The following PEAK1 variants were observed in gnomAD, a reference collection of about 807,000 sequenced individuals.
PEAK1 encodes inactive tyrosine-protein kinase PEAK1.
A neutral mutation model predicts 124.7 loss-of-function variants in PEAK1; 54 were observed. That is an observed-to-expected ratio of 0.43 (90% CI 0.35 to 0.54). The LOEUF is 0.54. Ranked by LOEUF, PEAK1 falls within the 20% of genes least tolerant of loss-of-function variation. The pLI is 0.01. For synonymous variants in PEAK1, 719 were observed against 760.0 expected, an observed-to-expected ratio of 0.95 and a Z score of 0.89; for missense variants, 2,046 against 2,134.5, an observed-to-expected ratio of 0.96 and a Z score of 0.82.
chr15:77,115,386 A>G, intron 9 of PEAK1, 67 bp from the exon 10 acceptor site: 1 of 1,420,198 alleles, frequency 7.0e-7, no homozygotes, highest in Non-Finnish European at 9.6e-7. Context: ...ATCAGGGAAG[A>G]TTAACTGGAA....
chr15:77,325,764 G>T (rs2153024986), intron 2 of PEAK1, among the ~76,000 whole-genome samples: 1 of 152,146 alleles, frequency 6.6e-6, no homozygotes, highest in East Asian at 1.9e-4. Context: ...ACTGGGATCT[G>T]AAAATCCAGC....
At chr15:77,381,391 A>C in intron 1 of PEAK1, 1 of 824,472 alleles carries the variant, frequency 1.2e-6, no homozygotes, top group Non-Finnish European at 1.5e-6. Flanking sequence ...TAGCCACTGC[A>C]CTTCAGTTTG....
In PEAK1 at chr15:77,133,322, G is replaced by C. The variant is rs1221030048; in HGVS notation, c.3760C>G (p.Leu1254Val). The change falls in exon 9 of 10, where the codon CTC becomes GTC. Residue 1254 changes from leucine (L) to valine (V), a missense_variant. Leu to Val is a conservative substitution (Grantham distance 32). Transcript: ENST00000682557. This position sits in a 1 kb window ranked among gnomAD's most constrained non-coding sequence, Gnocchi z 4.2. ...CAAGAGGGCCCACGCCGGCTGGAGA[G>C]GGATTCCATGCTGTTGGAAAATCTA... is the stretch of plus-strand genomic sequence containing the variant. ...KDRFSNSMES[L>V]SSRRGPSCRQ... 3.1e-6 allele frequency: 5 copies of C among 1,614,234 alleles called. No individual in the cohort carries two copies. The highest frequency in any genetic ancestry group is 3.4e-6 in the Non-Finnish European group (4 of 1,180,046).
intron 2 of PEAK1, chr15:77,347,280 T>C (rs2066926453): frequency 5.1e-6 from 5 of 985,028 alleles, no homozygotes; most frequent in East Asian, 1.1e-4. Context: ...GAACTATTCA[T>C]GGAAATTCAC....
chr15:77,168,450 G>A lies in PEAK1; in HGVS notation c.3138-9754C>T, dbSNP rs564392421. ...TATTTTAGGCTTTGTGGGCCGTGTG[G>A]TCTCCACTGCAATTATTCAACCCTG... On this transcript the variant is annotated intron_variant, in intron 7 of 9. Transcript: ENST00000682557. Among the ~76,000 whole-genome samples the A allele has an allele frequency of 6.6e-5, 10 of 152,298 alleles. No homozygotes were observed. The East Asian group carries it at 1.9e-3, about 29-fold the overall frequency.
chr15:77,345,341 A>T (rs1444953854), intron 2 of PEAK1, among the ~76,000 whole-genome samples: 1 of 152,192 alleles, frequency 6.6e-6, no homozygotes, highest in Non-Finnish European at 1.5e-5. Flanking sequence ...TTTGTAAGGC[A>T]TATCTCATTC....
At chr15:77,387,110 T>C (rs2070018006) in intron 1 of PEAK1, among the ~76,000 whole-genome samples, 1 of 152,170 alleles carries the variant, frequency 6.6e-6, no homozygotes, top group South Asian at 2.1e-4. Context: ...CCAACAGAAA[T>C]TATCTCCCTC....
intron 2 of PEAK1, among the ~76,000 whole-genome samples, chr15:77,331,616 T>C (rs1465818203): frequency 3.9e-5 from 6 of 152,136 alleles, no homozygotes; most frequent in African/African-American, 9.7e-5. Flanking sequence ...TATTTATTTA[T>C]TTACTTACTT....
At chr15:77,246,881 G>C (rs2060613911) in intron 6 of PEAK1, among the ~76,000 whole-genome samples, 2 of 152,102 alleles carry the variant, frequency 1.3e-5, no homozygotes, top group South Asian at 4.2e-4. Flanking sequence ...AGCTAAGCAT[G>C]GTGGTGGGTG....
intron 6 of PEAK1, among the ~76,000 whole-genome samples, chr15:77,216,738 T>A (rs2059165133): frequency 2.0e-5 from 3 of 152,158 alleles, no homozygotes; most frequent in Admixed American, 2.0e-4. Flanking sequence ...ATCTAATTAG[T>A]TCAGCTTACA....
chr15:77,190,052 GC>G (rs1474378613), intron 6 of PEAK1, among the ~76,000 whole-genome samples: 2 of 152,110 alleles, frequency 1.3e-5, no homozygotes, highest in African/African-American at 4.8e-5. Flanking sequence ...ATCAGAGTGA[GC>G]AATGTCATTT....
At chr15:77,393,394 G>A (rs2141944178) in intron 1 of PEAK1, among the ~76,000 whole-genome samples, 1 of 152,312 alleles carries the variant, frequency 6.6e-6, no homozygotes, top group Admixed American at 6.5e-5. Context: ...CTCCTTTTGA[G>A]AAGAAAGGGA....
chr15:77,381,435 A>G, intron 1 of PEAK1: 1 of 942,366 alleles, frequency 1.1e-6, no homozygotes, highest in Non-Finnish European at 1.3e-6. Context: ...CTTAAAAAAA[A>G]TAATTTTTTC....
At chr15:77,197,775 G>A (rs562357839) in intron 6 of PEAK1, among the ~76,000 whole-genome samples, 2 of 152,102 alleles carry the variant, frequency 1.3e-5, no homozygotes, top group Non-Finnish European at 2.9e-5. Flanking sequence ...AGTAGACCAC[G>A]ACAATTTTCA....
intron 6 of PEAK1, among the ~76,000 whole-genome samples, chr15:77,237,630 GTATT>G (rs1290572187): frequency 6.6e-6 from 1 of 151,582 alleles, no homozygotes; most frequent in Non-Finnish European, 1.5e-5. Flanking sequence ...ATAAATATAT[GTATT>G]TATTTTTTTC....
At position 77,401,829 on chromosome 15, in the gene PEAK1, C is replaced by T. The variant is rs74820557; in HGVS notation, c.-666+18177G>A. The stretch of plus-strand genomic sequence containing the variant: ...TTATTTACAACATGATTACAAGTAG[C>T]CATTAGGTACATCTTGCTTTATTAT... On this transcript the variant is annotated intron_variant, in intron 1 of 9. Coordinates refer to ENST00000682557, the MANE Select transcript of PEAK1 (RefSeq NM_001385026.1). 1.0e-3 allele frequency: 1,030 copies of T among 983,336 alleles called. 7 individuals carry two copies. In the African/African-American group the frequency reaches 0.017, roughly 16 times the overall value. The allele number at this position is 983,336 out of a possible 1,614,324, so 60.9% of individuals were successfully genotyped here.
At chr15:77,151,291 T>G (rs1368736458) in intron 8 of PEAK1, among the ~76,000 whole-genome samples, 4 of 151,646 alleles carry the variant, frequency 2.6e-5, no homozygotes, top group South Asian at 2.1e-4. Context: ...TCATGTGTCT[T>G]TTGGCTGCAT....
rs1380725867 is a variant in PEAK1, at chr15:77,135,535, C to T, written c.3332-1785G>A. 2.0e-5 allele frequency among the ~76,000 whole-genome samples: 3 copies of T among 152,202 alleles called. No individual in the cohort carries two copies. The East Asian group carries it at 5.8e-4, about 29-fold the overall frequency. On this transcript the variant is annotated intron_variant, in intron 8 of 9. Transcript: ENST00000682557. ...GTACAACATGGTACTGTACTGAATACTGTGGGCAATTATAACACAATGTTA... is the reference window on the plus strand; with the variant it reads ...GTACAACATGGTACTGTACTGAATATTGTGGGCAATTATAACACAATGTTA...
intron 2 of PEAK1, among the ~76,000 whole-genome samples, chr15:77,361,288 A>T (rs966980119): frequency 7.2e-5 from 11 of 152,124 alleles, no homozygotes; most frequent in Non-Finnish European, 1.3e-4. Context: ...CAAAAAATTT[A>T]AAAAAATTAG....
Sources: allele counts gnomAD v4.1 joint callset (sites outside exome capture counted in the v4.1 genomes callset), GRCh38; gene constraint gnomAD v4.1.1; non-coding constraint Gnocchi (gnomAD v3.1); transcripts MANE v1.5; gene names NCBI Gene and HGNC (gene_info 2026-07-23, HGNC 2026-07-21).